Variants in IFNAR2 observed in about 807,000 individuals in gnomAD.
The protein encoded by IFNAR2 is interferon alpha/beta receptor 2.
A neutral mutation model predicts 49.4 loss-of-function variants in IFNAR2; 30 were observed. The ratio of observed to expected loss-of-function variants is 0.61; its 90% CI spans 0.45 to 0.82. The LOEUF (loss-of-function observed/expected upper bound fraction) is 0.82, where lower values mean the gene tolerates loss of function less well. Among genes scored for constraint, IFNAR2 ranks in the 40% least tolerant of loss-of-function variants. IFNAR2 has a pLI of 0.00. For synonymous variants in IFNAR2, 224 were observed against 234.5 expected (o/e 0.96, Z 0.41); for missense variants, 600 against 622.7 (o/e 0.96, Z 0.39).
intron 1 of IFNAR2, among the ~76,000 whole-genome samples, chr21:33,235,746 G>A (rs1986401669): frequency 6.6e-6 from 1 of 152,066 alleles, no homozygotes; most frequent in Non-Finnish European, 1.5e-5. Flanking sequence ...CTAACACTGT[G>A]AAACCCCGTC....
In IFNAR2 at chr21:33,230,338, C is replaced by T. The variant is rs575903048; in HGVS notation, c.-84+122C>T. 2 of 764,232 alleles carry T rather than the reference C, an allele frequency of 2.6e-6. No individual in the cohort carries two copies. The highest frequency in any genetic ancestry group is 9.6e-5 in the East Asian group (1 of 10,422). 47.3% of individuals were successfully genotyped at this position (764,232 alleles called of 1,614,324 possible). On this transcript the variant is annotated intron_variant, in intron 1 of 8. Coordinates refer to ENST00000342136, the MANE Select transcript of IFNAR2 (RefSeq NM_001289125.3). This position sits in a 1 kb window ranked among gnomAD's most constrained non-coding sequence, Gnocchi z 5.5. Reference sequence around the variant, plus strand: ...GGTTCCCTCTCGCTCTCCCCGACTCCTCCTCCTCCTCCTGCCCTCCCTCTG... The same window carrying T: ...GGTTCCCTCTCGCTCTCCCCGACTCTTCCTCCTCCTCCTGCCCTCCCTCTG...
Position 33,263,546 on chromosome 21 carries a change from T to C in IFNAR2, c.*46T>C, listed in dbSNP as rs1988787970. 1.3e-6 allele frequency: 2 copies of C among 1,529,054 alleles called. No homozygotes were observed. Among genetic ancestry groups the C allele is most frequent in the East Asian group, 4.5e-5 (2 of 44,178 alleles). The allele number at this position is 1,529,054 out of a possible 1,614,324, so 94.7% of individuals were successfully genotyped here. A position where few individuals can be genotyped will look rare whatever the true frequency, so the allele number is the denominator to read the frequency against. Reference sequence around the variant, plus strand: ...CTTGGACAGACAAGCACCTACAGGGTTCTTTGTCTCTGCATCCTAACTTGC... The same window carrying C: ...CTTGGACAGACAAGCACCTACAGGGCTCTTTGTCTCTGCATCCTAACTTGC... On this transcript the variant is annotated 3_prime_UTR_variant, in exon 9 of 9. Transcript: ENST00000342136.
At chr21:33,254,122 A>C (rs1988052310) in intron 7 of IFNAR2, among the ~76,000 whole-genome samples, 1 of 152,228 alleles carries the variant, frequency 6.6e-6, no homozygotes. Flanking sequence ...TTGTAAACCA[A>C]AATAAAATTC....
chr21:33,262,751 C>A, intron 8 of IFNAR2, 42 bp from the exon 9 acceptor site: 1 of 1,587,588 alleles, frequency 6.3e-7, no homozygotes, highest in Non-Finnish European at 8.6e-7. Context: ...GCAAACAGTA[C>A]AGCTGATACG....
chr21:33,246,305 C>T (rs368464568), intron 4 of IFNAR2, among the ~76,000 whole-genome samples: 20 of 152,156 alleles, frequency 1.3e-4, no homozygotes, highest in African/African-American at 4.1e-4. Context: ...CTCCTGACCT[C>T]GTGATCCGCC....
Position 33,241,869 on chromosome 21 carries a change from C to A in IFNAR2, c.-54C>A, listed in dbSNP as rs1986952551. 6.2e-7 allele frequency: 1 copy of A among 1,606,338 alleles called. No homozygotes were observed. Among genetic ancestry groups the A allele is most frequent in the Non-Finnish European group, 8.5e-7 (1 of 1,175,332 alleles). On this transcript the variant is annotated 5_prime_UTR_variant, in exon 2 of 9. Coordinates refer to ENST00000342136, the MANE Select transcript of IFNAR2 (RefSeq NM_001289125.3). ...ATTAGACACTTCAGAATTTTGATCA[C>A]CTAATGTTGATTTCAGATGTAAAAG...
chr21:33,241,771 A>T, intron 1 of IFNAR2, 69 bp from the exon 2 acceptor site: 1 of 1,119,450 alleles, frequency 8.9e-7, no homozygotes, highest in Non-Finnish European at 1.2e-6. Flanking sequence ...GGGGTAAATG[A>T]CTAGGAATTT....
At position 33,230,473 on chromosome 21, in the gene IFNAR2, G is replaced by A; in HGVS notation, c.-84+257G>A. 1 of 470,416 alleles carries A rather than the reference G, an allele frequency of 2.1e-6. No homozygotes were observed. Among genetic ancestry groups the A allele is most frequent in the Middle Eastern group, 3.3e-4 (1 of 3,076 alleles). The allele number at this position is 470,416 out of a possible 1,614,324, so 29.1% of individuals were successfully genotyped here. ...CGCCCTCCACGCGTCGCCCCTGCTG[G>A]GAGTCCGCTTTCGTTGCACCCCTCC... On this transcript the variant is annotated intron_variant, in intron 1 of 8. Transcript: ENST00000342136. This position sits in a 1 kb window ranked among gnomAD's most constrained non-coding sequence, Gnocchi z 5.5.
chr21:33,253,461 A>C (rs1219416587), intron 7 of IFNAR2, among the ~76,000 whole-genome samples: 3 of 152,184 alleles, frequency 2.0e-5, no homozygotes, highest in Non-Finnish European at 4.4e-5. Flanking sequence ...TGTTTTACCA[A>C]AAGTGAGAAG....
chr21:33,246,658 A>AAT, intron 4 of IFNAR2, 60 bp from the exon 5 acceptor site: 1 of 1,389,756 alleles, frequency 7.2e-7, no homozygotes, highest in Non-Finnish European at 9.9e-7. Context: ...GGCGCCCAAA[A>AAT]ATAGACTCTC....
At chr21:33,238,116 C>A (rs74362421) in intron 1 of IFNAR2, among the ~76,000 whole-genome samples, 1 of 152,202 alleles carries the variant, frequency 6.6e-6, no homozygotes, top group African/African-American at 2.4e-5. Context: ...CTCGGCTGAC[C>A]GAAAAATGCA....
Position 33,263,654 on chromosome 21 carries a change from A to G in IFNAR2, c.*154A>G. 1 of 655,996 alleles carries G rather than the reference A, an allele frequency of 1.5e-6. No individual in the cohort carries two copies. The allele number at this position is 655,996 out of a possible 1,614,324, so 40.6% of individuals were successfully genotyped here. On this transcript the variant is annotated 3_prime_UTR_variant, in exon 9 of 9. Coordinates refer to ENST00000342136, the MANE Select transcript of IFNAR2 (RefSeq NM_001289125.3). Reference sequence around the variant, plus strand: ...TTCTTCCAGGTGACATCACCTATGCACATTCCCAGTATGGGGACCATAGTA... The same window carrying G: ...TTCTTCCAGGTGACATCACCTATGCGCATTCCCAGTATGGGGACCATAGTA...
intron 1 of IFNAR2, among the ~76,000 whole-genome samples, chr21:33,240,765 T>C (rs1168035139): frequency 1.4e-5 from 1 of 71,224 alleles, no homozygotes; most frequent in Non-Finnish European, 3.0e-5. Context: ...CAGTGAGCCA[T>C]GATTGCACCA....
chr21:33,249,343 C>CAAAA (rs58744346), intron 6 of IFNAR2, among the ~76,000 whole-genome samples: 4 of 107,196 alleles, frequency 3.7e-5, no homozygotes, highest in Admixed American at 1.0e-4. Flanking sequence ...GACTCCGTCT[C>CAAAA]AAAAAAAAAA....
chr21:33,263,086 C>T lies in IFNAR2; in HGVS notation c.1134C>T (p.Pro378=). 6.2e-7 allele frequency: 1 copy of T among 1,614,142 alleles called. No homozygotes were observed. The highest frequency in any genetic ancestry group is 8.5e-7 in the Non-Finnish European group (1 of 1,180,016). Residue 378 remains proline (P), a synonymous_variant, in exon 9 of 9, where the codon CCC becomes CCT. Coordinates refer to ENST00000342136, the MANE Select transcript of IFNAR2 (RefSeq NM_001289125.3). ...TGCCTGAGGTTGATGTGGAGCTCCCCACGATGCCAAAGGACAGCCCTCAGC... is the reference window on the plus strand; with the variant it reads ...TGCCTGAGGTTGATGTGGAGCTCCCTACGATGCCAAAGGACAGCCCTCAGC... The part of the protein sequence containing the change: ...PDLPEVDVEL[P]TMPKDSPQQL...
chr21:33,242,722 C>G (rs1987039059), intron 2 of IFNAR2, among the ~76,000 whole-genome samples: 1 of 49,348 alleles, frequency 2.0e-5, no homozygotes, highest in South Asian at 5.9e-4. Context: ...GAGCAAGACT[C>G]TGTCTCAAAA....
chr21:33,234,477 C>G (rs1043684675), intron 1 of IFNAR2, among the ~76,000 whole-genome samples: 1 of 152,090 alleles, frequency 6.6e-6, no homozygotes, highest in Admixed American at 6.6e-5. Flanking sequence ...CCACTTCATT[C>G]ATTATTCATT....
intron 1 of IFNAR2, among the ~76,000 whole-genome samples, chr21:33,240,513 C>G (rs1031936976): frequency 6.6e-6 from 1 of 152,174 alleles, no homozygotes; most frequent in Non-Finnish European, 1.5e-5. Flanking sequence ...AAGTATCCAT[C>G]AACAAATGAT....
chr21:33,246,607 AATG>A (rs1987426649), intron 4 of IFNAR2, 108 bp from the exon 5 acceptor site: 1 of 741,300 alleles, frequency 1.3e-6, no homozygotes, highest in Non-Finnish European at 2.2e-6. Flanking sequence ...CACTTAATAC[AATG>A]ATATTTGGGC....
Sources: allele counts gnomAD v4.1 joint callset (sites outside exome capture counted in the v4.1 genomes callset), GRCh38; gene constraint gnomAD v4.1.1; non-coding constraint Gnocchi (gnomAD v3.1); transcripts MANE v1.5; gene names NCBI Gene and HGNC (gene_info 2026-07-23, HGNC 2026-07-21).